The following CADPS2 variants were observed in gnomAD, a reference collection of about 807,000 sequenced individuals.
The protein encoded by CADPS2 is calcium dependent secretion activator 2, also known as calcium-dependent secretion activator 2.
CADPS2 carries 93 observed loss-of-function variants against 172.5 expected under a neutral mutation model. The ratio of observed to expected loss-of-function variants is 0.54; its 90% confidence interval spans 0.46 to 0.64. The LOEUF (loss-of-function observed/expected upper bound fraction) is 0.64, where lower values mean the gene tolerates loss of function less well. CADPS2 is among the 30% of genes least tolerant of loss of function. The probability of loss-of-function intolerance (pLI) is 0.00; values close to 1 mark genes in which losing one functional copy is unlikely to be tolerated. For missense variants in CADPS2, 1,420 were observed against 1,565.9 expected (o/e 0.91, Z 1.57); for synonymous variants, 546 against 555.2 (o/e 0.98, Z 0.23).
At chr7:122,432,638 T>TAAAAAAAA (rs1306125781) in intron 17 of CADPS2, among the ~76,000 whole-genome samples, 3 of 73,588 alleles carry the variant, frequency 4.1e-5, no homozygotes, top group African/African-American at 1.4e-4. Flanking sequence ...AAGACTCTGT[T>TAAAAAAAA]AAAATAAAAA....
At chr7:122,882,254 G>A (rs1290928375) in intron 1 of CADPS2, among the ~76,000 whole-genome samples, 2 of 152,112 alleles carry the variant, frequency 1.3e-5, no homozygotes, top group Admixed American at 6.6e-5. Flanking sequence ...CAAAGTGGTA[G>A]GAGTGATTAT....
In CADPS2 at chr7:122,586,835, A is replaced by C. The variant is rs180729398; in HGVS notation, c.1224-5545T>G. 4.6e-4 allele frequency among the ~76,000 whole-genome samples: 70 copies of C among 151,998 alleles called. 1 individual carries two copies. Among genetic ancestry groups the C allele is most frequent in the Non-Finnish European group, 9.4e-4 (64 of 67,960 alleles). Reference sequence around the variant, plus strand: ...TTTATATTGTCTGACTGTTGCACATATGTAAGAAAGTTATGGTTAAACTCT... The same window carrying C: ...TTTATATTGTCTGACTGTTGCACATCTGTAAGAAAGTTATGGTTAAACTCT... On this transcript the variant is annotated intron_variant, in intron 6 of 29. Transcript: ENST00000449022.
intron 8 of CADPS2, among the ~76,000 whole-genome samples, chr7:122,535,491 C>A (rs910720173): frequency 6.6e-6 from 1 of 151,936 alleles, no homozygotes; most frequent in Admixed American, 6.6e-5. Flanking sequence ...GCTGAGTACT[C>A]TAAAAAGGTA....
chr7:122,790,566 A>T (rs1795087501), intron 1 of CADPS2, among the ~76,000 whole-genome samples: 1 of 152,178 alleles, frequency 6.6e-6, no homozygotes, highest in South Asian at 2.1e-4. Flanking sequence ...TAAAACAGGA[A>T]CTACAGGACT....
intron 8 of CADPS2, among the ~76,000 whole-genome samples, chr7:122,552,775 G>GT (rs61517518): frequency 0.2 from 27,768 of 136,954 alleles, 3,244 homozygotes; most frequent in Middle Eastern, 0.29. Flanking sequence ...ATAGGTTCCT[G>GT]TTTTTTTTTT....
chr7:122,852,453 G>A lies in CADPS2; in HGVS notation c.339+33546C>T, dbSNP rs115692844. Among the ~76,000 whole-genome samples the A allele has an allele frequency of 8.7e-3, 1,326 of 152,308 alleles. 14 individuals carry two copies. The highest frequency in any genetic ancestry group is 0.03 in the African/African-American group (1,235 of 41,576). ...GAGGTAATTAGTGCAAAACAGGGAA[G>A]GAAAGTAGAAAGCTTACAGATGGGT... On this transcript the variant is annotated intron_variant, in intron 1 of 29. Coordinates refer to ENST00000449022, the MANE Select transcript of CADPS2 (RefSeq NM_017954.11).
intron 1 of CADPS2, among the ~76,000 whole-genome samples, chr7:122,830,858 C>T (rs1442606187): frequency 6.6e-6 from 1 of 152,056 alleles, no homozygotes; most frequent in Admixed American, 6.6e-5. Flanking sequence ...TGGTATAAAA[C>T]CATGAAACTA....
At chr7:122,601,528 G>A (rs2072777048) in intron 6 of CADPS2, among the ~76,000 whole-genome samples, 1 of 151,670 alleles carries the variant, frequency 6.6e-6, no homozygotes, top group Non-Finnish European at 1.5e-5. Flanking sequence ...GATTTCTCTG[G>A]TGGTCTTAAG....
chr7:122,501,662 A>T (rs2059210200), intron 9 of CADPS2, among the ~76,000 whole-genome samples: 1 of 151,940 alleles, frequency 6.6e-6, no homozygotes, highest in African/African-American at 2.4e-5. Context: ...ATCCTGGCTA[A>T]CACCGTAGAA....
intron 2 of CADPS2, among the ~76,000 whole-genome samples, chr7:122,713,779 A>G (rs1005332648): frequency 6.6e-6 from 1 of 152,100 alleles, no homozygotes; most frequent in Middle Eastern, 3.2e-3. Context: ...TTCATGATTC[A>G]TAGAAGATGC....
At chr7:122,750,764 G>C (rs1367507153) in intron 1 of CADPS2, among the ~76,000 whole-genome samples, 1 of 152,052 alleles carries the variant, frequency 6.6e-6, no homozygotes, top group Non-Finnish European at 1.5e-5. Context: ...ATGCAGGTAC[G>C]AAAGACCTAC....
intron 7 of CADPS2, among the ~76,000 whole-genome samples, chr7:122,558,483 ATGTCT>A (rs1331415592): frequency 1.3e-5 from 2 of 152,136 alleles, no homozygotes; most frequent in East Asian, 1.9e-4. Context: ...AACACTTTAA[ATGTCT>A]TGTCAGCATG....
At chr7:122,736,762 A>C (rs187025913) in intron 2 of CADPS2, among the ~76,000 whole-genome samples, 193 bp downstream of exon 2, 28 of 152,322 alleles carry the variant, frequency 1.8e-4, no homozygotes, top group Non-Finnish European at 3.4e-4. Context: ...GATTCTGTTT[A>C]TCTCTCAAAA....
chr7:122,589,625 A>T (rs2070417527), intron 6 of CADPS2, among the ~76,000 whole-genome samples: 1 of 151,966 alleles, frequency 6.6e-6, no homozygotes, highest in Non-Finnish European at 1.5e-5. Context: ...GTGGCTGCTG[A>T]CACGTCGTTT....
intron 7 of CADPS2, among the ~76,000 whole-genome samples, chr7:122,563,430 A>G (rs1563713667): frequency 6.6e-6 from 1 of 152,194 alleles, no homozygotes; most frequent in Non-Finnish European, 1.5e-5. Flanking sequence ...CAATTCCCAC[A>G]TCACCCCTCA....
intron 4 of CADPS2, among the ~76,000 whole-genome samples, chr7:122,625,555 T>C (rs2076007345): frequency 6.6e-6 from 1 of 152,160 alleles, no homozygotes; most frequent in African/African-American, 2.4e-5. Flanking sequence ...GAAGGTTTCC[T>C]AAAGAAGCAG....
At chr7:122,401,236 A>C (rs2045913237) in intron 20 of CADPS2, among the ~76,000 whole-genome samples, 1 of 152,208 alleles carries the variant, frequency 6.6e-6, no homozygotes, top group Non-Finnish European at 1.5e-5. Flanking sequence ...TCGTTTAGGC[A>C]GAGATGCTGT....
intron 2 of CADPS2, among the ~76,000 whole-genome samples, chr7:122,735,443 G>T (rs1467285486): frequency 6.6e-6 from 1 of 151,894 alleles, no homozygotes; most frequent in Non-Finnish European, 1.5e-5. Flanking sequence ...GAACACAATG[G>T]GGATACTCTC....
At chr7:122,430,935 C>T (rs559353935) in intron 17 of CADPS2, among the ~76,000 whole-genome samples, 29 of 152,288 alleles carry the variant, frequency 1.9e-4, no homozygotes, top group African/African-American at 6.5e-4. Context: ...AATTAAGCAG[C>T]ACACTGAATT....
Sources: gnomAD v4.1 joint callset for allele counts (sites outside exome capture counted in the v4.1 genomes callset) on GRCh38, gnomAD v4.1.1 for gene constraint, MANE v1.5 for transcripts, NCBI Gene and HGNC (gene_info 2026-07-23, HGNC 2026-07-21) for gene names.